The following SCRG1 variants were observed in gnomAD, a reference collection of about 807,000 sequenced individuals.
SCRG1 encodes scrapie-responsive protein 1.
A neutral mutation model predicts 7.7 loss-of-function variants in SCRG1; 3 were observed. That is an observed-to-expected ratio of 0.39 (90% CI 0.18 to 1.01). The LOEUF (loss-of-function observed/expected upper bound fraction) is 1.01. SCRG1 is among the 50% of genes least tolerant of loss of function. SCRG1 has a pLI of 0.36. For synonymous variants in SCRG1, 46 were observed against 41.2 expected (o/e 1.12, Z -0.44); for missense variants, 110 against 117.2 (o/e 0.94, Z 0.28).
the SCRG1 span, among the ~76,000 whole-genome samples, chr4:173,437,633 G>T: frequency 6.6e-6 from 1 of 151,986 alleles, no homozygotes; most frequent in Non-Finnish European, 1.5e-5. Context: ...TAGCTGAAAA[G>T]AAAACAGAAA....
At chr4:173,505,368 C>A in the SCRG1 span, among the ~76,000 whole-genome samples, 1 of 152,096 alleles carries the variant, frequency 6.6e-6, no homozygotes, top group Non-Finnish European at 1.5e-5. The surrounding 1 kb of genome is among the most constrained non-coding windows in gnomAD (Gnocchi z 4.4). Flanking sequence ...CTCTCCACAT[C>A]CCTTGCTCGG....
chr4:173,468,212 A>G, the SCRG1 span: 1 of 152,482 alleles, frequency 6.6e-6, no homozygotes, highest in Non-Finnish European at 1.5e-5. Flanking sequence ...TTAGATACAC[A>G]AATAGTTACC....
intron 1 of SCRG1, among the ~76,000 whole-genome samples, chr4:173,396,165 GA>G (rs1739596964): frequency 6.6e-6 from 1 of 152,202 alleles, no homozygotes; most frequent in African/African-American, 2.4e-5. Flanking sequence ...AACTGAGGAA[GA>G]ATTGGAAGGA....
At chr4:173,389,301 A>G (rs566544261) in intron 2 of SCRG1, among the ~76,000 whole-genome samples, 119 of 152,210 alleles carry the variant, frequency 7.8e-4, no homozygotes, top group Non-Finnish European at 9.7e-4. Flanking sequence ...TTGGGAGGCC[A>G]AGGCGGGCAG....
At chr4:173,495,086 G>A in the SCRG1 span, among the ~76,000 whole-genome samples, 54 of 152,302 alleles carry the variant, frequency 3.5e-4, no homozygotes, top group African/African-American at 1.1e-3. Context: ...CAGGGCCTTC[G>A]GTAACTGCCC....
the SCRG1 span, among the ~76,000 whole-genome samples, chr4:173,483,221 T>TATGATATATC: frequency 1.6e-5 from 1 of 61,050 alleles, no homozygotes; most frequent in Admixed American, 2.6e-4. Flanking sequence ...TCATATAATA[T>TATGATATATC]ATATATTATA....
the SCRG1 span, among the ~76,000 whole-genome samples, chr4:173,483,835 TA>T: frequency 9.7e-6 from 1 of 103,552 alleles, no homozygotes; most frequent in African/African-American, 4.0e-5. Context: ...ATATATAATA[TA>T]TAATATATAA....
the SCRG1 span, among the ~76,000 whole-genome samples, chr4:173,472,855 G>A: frequency 2.6e-5 from 4 of 152,168 alleles, no homozygotes; most frequent in Non-Finnish European, 5.9e-5. Flanking sequence ...GGGCAGTCAA[G>A]TTGACACAGA....
the SCRG1 span, among the ~76,000 whole-genome samples, chr4:173,470,412 G>A: frequency 6.6e-6 from 1 of 152,122 alleles, no homozygotes; most frequent in Non-Finnish European, 1.5e-5. Flanking sequence ...ACAGGTAACT[G>A]AGTGTTTCAG....
At chr4:173,509,857 G>C in the SCRG1 span, among the ~76,000 whole-genome samples, 3 of 152,240 alleles carry the variant, frequency 2.0e-5, no homozygotes, top group African/African-American at 7.2e-5. This position sits in a 1 kb window ranked among gnomAD's most constrained non-coding sequence, Gnocchi z 5.7. Context: ...GGAAGCCGAG[G>C]CGGCCGGGGA....
At chr4:173,426,016 C>T in the SCRG1 span, among the ~76,000 whole-genome samples, 12 of 152,344 alleles carry the variant, frequency 7.9e-5, no homozygotes, top group South Asian at 8.3e-4. Flanking sequence ...GCTAACAGTT[C>T]TCCTGGGGTA....
chr4:173,480,798 G>T, the SCRG1 span, among the ~76,000 whole-genome samples: 2 of 151,852 alleles, frequency 1.3e-5, no homozygotes, highest in African/African-American at 2.4e-5. Flanking sequence ...GTACTGGAGG[G>T]TGATTGATTT....
the SCRG1 span, among the ~76,000 whole-genome samples, chr4:173,466,260 A>G: frequency 2.2e-4 from 33 of 152,192 alleles, no homozygotes; most frequent in Non-Finnish European, 4.4e-4. Context: ...GTCTACAGTC[A>G]TTTGTCAAAT....
the SCRG1 span, among the ~76,000 whole-genome samples, chr4:173,489,519 T>TG: frequency 0.28 from 42,994 of 151,936 alleles, 6,219 homozygotes; most frequent in South Asian, 0.46. Context: ...AATTTTTTTT[T>TG]TTTGTTTGTT....
intron 1 of SCRG1, among the ~76,000 whole-genome samples, chr4:173,395,507 C>T (rs566118469): frequency 6.6e-6 from 1 of 152,288 alleles, no homozygotes; most frequent in African/African-American, 2.4e-5. Context: ...CTCTTTAATC[C>T]TATGTATGTG....
the SCRG1 span, among the ~76,000 whole-genome samples, chr4:173,506,526 T>C: frequency 6.6e-6 from 1 of 152,230 alleles, no homozygotes; most frequent in Non-Finnish European, 1.5e-5. The surrounding 1 kb of genome is among the most constrained non-coding windows in gnomAD (Gnocchi z 5.3). Context: ...TCTTACAGTT[T>C]GTGAAGATTA....
chr4:173,446,513 G>A, the SCRG1 span: 1 of 152,174 alleles, frequency 6.6e-6, no homozygotes, highest in African/African-American at 2.4e-5. Context: ...TGGAGGAGGA[G>A]TTGGGGGTAG....
chr4:173,403,473 T>G (rs17259664), upstream of SCRG1, among the ~76,000 whole-genome samples: 59,160 of 151,952 alleles, frequency 0.39, 13,635 homozygotes, highest in East Asian at 0.53. Flanking sequence ...CACCTTCGTC[T>G]GCGCCGCCCC....
the SCRG1 span, among the ~76,000 whole-genome samples, chr4:173,420,620 T>C: frequency 6.6e-6 from 1 of 152,164 alleles, no homozygotes; most frequent in Admixed American, 6.5e-5. Context: ...GCGGTAGTGA[T>C]TAGCGTCGAT....
Sources: allele counts gnomAD v4.1 joint callset (sites outside exome capture counted in the v4.1 genomes callset), GRCh38; gene constraint gnomAD v4.1.1; non-coding constraint Gnocchi (gnomAD v3.1); transcripts MANE v1.5; gene names NCBI Gene and HGNC (gene_info 2026-07-23, HGNC 2026-07-21).